The following EYA2 variants were observed in gnomAD, a reference collection of about 807,000 sequenced individuals.
The protein encoded by EYA2 is EYA transcriptional coactivator and phosphatase 2.
A neutral mutation model predicts 69.2 loss-of-function variants in EYA2; 31 were observed. That is an observed-to-expected ratio of 0.45 (90% CI 0.34 to 0.60). The LOEUF is 0.60. Ranked by LOEUF, EYA2 falls within the 20% of genes least tolerant of loss-of-function variation. The probability of loss-of-function intolerance (pLI) is 0.02; values close to 1 mark genes in which losing one functional copy is unlikely to be tolerated. For missense variants in EYA2, 622 were observed against 701.2 expected (o/e 0.89, Z 1.28); for synonymous variants, 257 against 279.4 (o/e 0.92, Z 0.80).
chr20:47,065,484 G>A (rs1031447527), intron 5 of EYA2, among the ~76,000 whole-genome samples: 1 of 151,940 alleles, frequency 6.6e-6, no homozygotes, highest in African/African-American at 2.4e-5. Context: ...TTTCATGGGA[G>A]GTGGGGCAAT....
chr20:46,962,757 A>T (rs927152574), intron 1 of EYA2, among the ~76,000 whole-genome samples: 1 of 152,156 alleles, frequency 6.6e-6, no homozygotes, highest in Non-Finnish European at 1.5e-5. Flanking sequence ...TTTTCCCTTT[A>T]CATGCCTGAA....
At chr20:47,167,726 C>A (rs2034230852) in intron 10 of EYA2, among the ~76,000 whole-genome samples, 1 of 152,104 alleles carries the variant, frequency 6.6e-6, no homozygotes, top group Non-Finnish European at 1.5e-5. Flanking sequence ...TTACAGGGAC[C>A]CATGTGATTC....
At position 46,946,544 on chromosome 20, in the gene EYA2, A is replaced by T. The variant is rs578239563; in HGVS notation, c.-10-43457A>T. 1.7e-4 allele frequency among the ~76,000 whole-genome samples: 26 copies of T among 152,308 alleles called. No homozygotes were observed. In the South Asian group the frequency reaches 3.5e-3, roughly 21 times the overall value. ...CTAAGCCCCTGATTACCATCATTTG[A>T]ACATGAGCCTGGGTATGAGTAAGGC... On this transcript the variant is annotated intron_variant, in intron 1 of 15. Coordinates refer to ENST00000327619, the MANE Select transcript of EYA2 (RefSeq NM_005244.5).
intron 11 of EYA2, among the ~76,000 whole-genome samples, chr20:47,169,822 T>C (rs942813936): frequency 6.6e-6 from 1 of 152,214 alleles, no homozygotes; most frequent in Non-Finnish European, 1.5e-5. Flanking sequence ...TTTCACGTGC[T>C]TCTCCTCCTC....
At chr20:47,119,021 G>A (rs1244043540) in intron 9 of EYA2, among the ~76,000 whole-genome samples, 1 of 152,180 alleles carries the variant, frequency 6.6e-6, no homozygotes, top group Non-Finnish European at 1.5e-5. Flanking sequence ...AGAGCTTGCT[G>A]CTCACGATGA....
At chr20:47,160,677 G>T (rs1034721324) in intron 10 of EYA2, among the ~76,000 whole-genome samples, 5 of 152,126 alleles carry the variant, frequency 3.3e-5, no homozygotes, top group Admixed American at 3.3e-4. Context: ...CAGTGTGTAC[G>T]CATCTTGAAT....
chr20:47,069,339 C>A (rs1459246424), intron 5 of EYA2, among the ~76,000 whole-genome samples: 1 of 152,020 alleles, frequency 6.6e-6, no homozygotes, highest in African/African-American at 2.4e-5. Context: ...ACTAAAAATA[C>A]AAAAAATTAA....
intron 1 of EYA2, among the ~76,000 whole-genome samples, chr20:46,946,682 C>T (rs1308541459): frequency 1.3e-5 from 2 of 152,138 alleles, no homozygotes; most frequent in African/African-American, 2.4e-5. Flanking sequence ...ACATAAAAGC[C>T]GCCATAGACA....
At chr20:46,915,877 G>A (rs1183849517) in intron 1 of EYA2, among the ~76,000 whole-genome samples, 1 of 152,090 alleles carries the variant, frequency 6.6e-6, no homozygotes, top group Non-Finnish European at 1.5e-5. Flanking sequence ...GGGGCTCAAT[G>A]TCACTTGTCA....
intron 5 of EYA2, among the ~76,000 whole-genome samples, chr20:47,046,470 C>T (rs1438969051): frequency 6.6e-6 from 1 of 152,166 alleles, no homozygotes; most frequent in Non-Finnish European, 1.5e-5. Flanking sequence ...CTGCATCTCT[C>T]ATCATCTCTG....
intron 9 of EYA2, among the ~76,000 whole-genome samples, chr20:47,127,027 CA>C (rs1323882778): frequency 1.3e-5 from 2 of 152,102 alleles, no homozygotes; most frequent in Non-Finnish European, 2.9e-5. Flanking sequence ...ACTCTAGAAG[CA>C]ATTTGTAAAC....
chr20:47,083,640 C>CA (rs558076829), intron 7 of EYA2, among the ~76,000 whole-genome samples: 6 of 149,232 alleles, frequency 4.0e-5, no homozygotes, highest in South Asian at 2.1e-4. Context: ...ACATGACACA[C>CA]AAAAAAAATG....
chr20:46,922,223 T>C (rs1985209526), intron 1 of EYA2, among the ~76,000 whole-genome samples: 1 of 152,190 alleles, frequency 6.6e-6, no homozygotes, highest in African/African-American at 2.4e-5. Context: ...ATTGATTTAA[T>C]GAACAACCCA....
At chr20:47,038,081 T>G (rs1984821182) in intron 5 of EYA2, among the ~76,000 whole-genome samples, 1 of 152,210 alleles carries the variant, frequency 6.6e-6, no homozygotes, top group Non-Finnish European at 1.5e-5. Flanking sequence ...GTATATATAT[T>G]TTTAATTTTA....
At chr20:47,085,101 T>G (rs972762088) in intron 7 of EYA2, among the ~76,000 whole-genome samples, 5 of 151,888 alleles carry the variant, frequency 3.3e-5, no homozygotes, top group African/African-American at 1.2e-4. Flanking sequence ...CCTCCCAAAG[T>G]GCTAGGATTA....
chr20:47,123,714 G>T (rs1338722633), intron 9 of EYA2, among the ~76,000 whole-genome samples: 1 of 152,144 alleles, frequency 6.6e-6, no homozygotes. Context: ...TAACGGGCTG[G>T]GTACGGTGGC....
At chr20:46,982,878 A>G (rs868315146) in intron 1 of EYA2, among the ~76,000 whole-genome samples, 1 of 151,490 alleles carries the variant, frequency 6.6e-6, no homozygotes, top group Non-Finnish European at 1.5e-5. Flanking sequence ...GGTTCAAGCA[A>G]TTCTCCTGCC....
intron 5 of EYA2, among the ~76,000 whole-genome samples, chr20:47,067,181 A>G (rs1342714348): frequency 6.6e-6 from 1 of 152,238 alleles, no homozygotes; most frequent in African/African-American, 2.4e-5. Context: ...GCCCTGAGTC[A>G]TCATTCAGAA....
At chr20:47,017,944 C>T (rs560424399) in intron 5 of EYA2, among the ~76,000 whole-genome samples, 5 of 152,336 alleles carry the variant, frequency 3.3e-5, no homozygotes, top group Non-Finnish European at 5.9e-5. Flanking sequence ...AAGCCCATCG[C>T]TGTAACCCCG....
Sources: gnomAD v4.1 joint callset for allele counts (sites outside exome capture counted in the v4.1 genomes callset) on GRCh38, gnomAD v4.1.1 for gene constraint, MANE v1.5 for transcripts, NCBI Gene and HGNC (gene_info 2026-07-23, HGNC 2026-07-21) for gene names.